The following PAK1 variants were observed in gnomAD, a reference collection of about 807,000 sequenced individuals.
PAK1 encodes p21 (RAC1) activated kinase 1, also known as serine/threonine-protein kinase PAK 1.
Under a neutral mutation model 67.4 loss-of-function variants are expected in PAK1, and 29 were observed. The ratio of observed to expected loss-of-function variants is 0.43; its 90% CI spans 0.32 to 0.59. The LOEUF (loss-of-function observed/expected upper bound fraction) is 0.59. PAK1 is among the 20% of genes least tolerant of loss of function. The pLI is 0.07. For missense variants in PAK1, 337 were observed against 670.7 expected (o/e 0.50, Z 5.50); for synonymous variants, 223 against 237.4 (o/e 0.94, Z 0.56).
intron 4 of PAK1, among the ~76,000 whole-genome samples, chr11:77,377,424 TA>T (rs1373697206): frequency 5.3e-5 from 8 of 152,166 alleles, no homozygotes; most frequent in Non-Finnish European, 1.0e-4. Flanking sequence ...TATAGAAAAT[TA>T]AAATTCTTGC....
the PAK1 span, among the ~76,000 whole-genome samples, chr11:77,487,381 T>G: frequency 6.6e-6 from 1 of 151,574 alleles, no homozygotes. Flanking sequence ...CCCAGCACAT[T>G]CCCAGCTATG....
At position 77,450,443 on chromosome 11, in the gene PAK1, T is replaced by G. The variant is rs544940866; in HGVS notation, c.-22+23109A>C. ...GCCTGACCATATTTGCAAAGGGAAG[T>G]AGGCAGCAGAGCAAGGCCTAAAAAA... On this transcript the variant is annotated intron_variant, in intron 1 of 14. Coordinates refer to ENST00000356341, the MANE Select transcript of PAK1 (RefSeq NM_002576.5). Among the ~76,000 whole-genome samples, 3 of 152,208 alleles carry G rather than the reference T, an allele frequency of 2.0e-5. No homozygotes were observed. The South Asian group carries it at 6.2e-4, about 32-fold the overall frequency.
At chr11:77,469,802 T>C (rs1024872619) in intron 1 of PAK1, among the ~76,000 whole-genome samples, 1 of 151,790 alleles carries the variant, frequency 6.6e-6, no homozygotes, top group African/African-American at 2.4e-5. Context: ...GACTATTAAT[T>C]TTGAATCAAT....
the PAK1 span, among the ~76,000 whole-genome samples, chr11:77,500,349 C>T: frequency 6.6e-6 from 1 of 152,158 alleles, no homozygotes; most frequent in Admixed American, 6.5e-5. Flanking sequence ...TGCCTGCAGT[C>T]CCAGCTACTC....
chr11:77,511,961 G>A, the PAK1 span, among the ~76,000 whole-genome samples: 1 of 152,136 alleles, frequency 6.6e-6, no homozygotes, highest in Non-Finnish European at 1.5e-5. Context: ...AGCTAATTAT[G>A]TCCAGTCTCA....
chr11:77,399,877 A>AAG (rs1952416911), intron 1 of PAK1, among the ~76,000 whole-genome samples: 1 of 149,588 alleles, frequency 6.7e-6, no homozygotes, highest in East Asian at 1.9e-4. Flanking sequence ...AAAAAAAAAA[A>AAG]AAAAAAAAAG....
chr11:77,327,062 A>G (rs1036781842), intron 14 of PAK1, among the ~76,000 whole-genome samples: 1 of 152,238 alleles, frequency 6.6e-6, no homozygotes, highest in Non-Finnish European at 1.5e-5. Context: ...AATGAAATGA[A>G]GCGAGAAGAG....
chr11:77,446,398 G>A (rs1956603368), intron 1 of PAK1, among the ~76,000 whole-genome samples: 1 of 151,242 alleles, frequency 6.6e-6, no homozygotes. Flanking sequence ...TGTAATCCCA[G>A]CTACTCAGGA....
intron 5 of PAK1, among the ~76,000 whole-genome samples, chr11:77,370,965 A>G (rs556265025): frequency 3.8e-4 from 58 of 152,340 alleles, no homozygotes; most frequent in Non-Finnish European, 7.1e-4. Context: ...CAGACAGGAA[A>G]GCACTGCCTT....
chr11:77,328,675 A>G (rs1040340808), intron 14 of PAK1, among the ~76,000 whole-genome samples: 1 of 152,210 alleles, frequency 6.6e-6, no homozygotes, highest in Non-Finnish European at 1.5e-5. Context: ...CCCACAAGAG[A>G]AAGCAGGAAA....
At chr11:77,455,108 A>C (rs1314778299) in intron 1 of PAK1, among the ~76,000 whole-genome samples, 2 of 152,200 alleles carry the variant, frequency 1.3e-5, no homozygotes, top group African/African-American at 4.8e-5. Flanking sequence ...AGGTAACACA[A>C]GCATGATAAA....
At chr11:77,444,480 C>G (rs972525637) in intron 1 of PAK1, among the ~76,000 whole-genome samples, 1 of 152,106 alleles carries the variant, frequency 6.6e-6, no homozygotes, top group Non-Finnish European at 1.5e-5. Flanking sequence ...CCTGATTCAC[C>G]CTCGTTTTCT....
chr11:77,473,471 C>G (rs2135598681), intron 1 of PAK1, 81 bp downstream of exon 1: 1 of 152,464 alleles, frequency 6.6e-6, no homozygotes, highest in South Asian at 2.1e-4. Context: ...CCCAGACCCC[C>G]ACTCCACCCG....
chr11:77,415,876 G>A (rs1267290512), intron 1 of PAK1, among the ~76,000 whole-genome samples: 2 of 151,530 alleles, frequency 1.3e-5, no homozygotes, highest in Non-Finnish European at 2.9e-5. Flanking sequence ...AAAACATTTT[G>A]ACTCTATTGC....
At chr11:77,478,672 A>T (rs12286502), upstream of PAK1, among the ~76,000 whole-genome samples, 1 of 150,902 alleles carries the variant, frequency 6.6e-6, no homozygotes, top group Admixed American at 6.6e-5. Flanking sequence ...CCCAGCTGCT[A>T]GGGAGGCTGA....
In PAK1 at chr11:77,473,770, G is replaced by T. The variant is rs976443923; in HGVS notation, c.-240C>A. On this transcript the variant is annotated 5_prime_UTR_variant, in exon 1 of 15. Transcript: ENST00000356341. Reference sequence around the variant, plus strand: ...GGGAGGGAGCGAGGCGACGCGGGCGGGGGGGGAAGGGGGGACTGAGGGGCG... The same window carrying T: ...GGGAGGGAGCGAGGCGACGCGGGCGTGGGGGGAAGGGGGGACTGAGGGGCG... 2 of 151,730 alleles carry T rather than the reference G, an allele frequency of 1.3e-5. No homozygotes were observed. Among genetic ancestry groups the T allele is most frequent in the Non-Finnish European group, 2.9e-5 (2 of 67,924 alleles). 9.4% of individuals were successfully genotyped at this position (151,730 alleles called of 1,614,324 possible). A position where few individuals can be genotyped will look rare whatever the true frequency, so the allele number is the denominator to read the frequency against.
intron 1 of PAK1, among the ~76,000 whole-genome samples, chr11:77,407,298 C>T (rs112109048): frequency 0.032 from 4,885 of 152,228 alleles, 131 homozygotes; most frequent in African/African-American, 0.074. Flanking sequence ...GCACATACTT[C>T]GTGGTTTTTG....
At chr11:77,449,260 G>A (rs887653493) in intron 1 of PAK1, among the ~76,000 whole-genome samples, 1 of 152,118 alleles carries the variant, frequency 6.6e-6, no homozygotes, top group East Asian at 1.9e-4. Flanking sequence ...GGGAACACTA[G>A]CCCACACAGA....
chr11:77,457,270 T>G (rs1239706150), intron 1 of PAK1, among the ~76,000 whole-genome samples: 2 of 152,254 alleles, frequency 1.3e-5, no homozygotes, highest in Non-Finnish European at 2.9e-5. Context: ...TAATTGGGCA[T>G]GAACTTCATC....
Sources: gnomAD v4.1 joint callset for allele counts (sites outside exome capture counted in the v4.1 genomes callset) on GRCh38, gnomAD v4.1.1 for gene constraint, MANE v1.5 for transcripts, NCBI Gene and HGNC (gene_info 2026-07-23, HGNC 2026-07-21) for gene names.